Variants in ZIC4 observed in about 807,000 individuals in gnomAD.
ZIC4 encodes zinc finger protein ZIC 4.
In ZIC4, 15 loss-of-function variants were observed where a neutral mutation model predicts 28.8. That is an observed-to-expected ratio of 0.52 (90% confidence interval 0.35 to 0.80). ZIC4 has a LOEUF of 0.80. ZIC4 is among the 30% of genes least tolerant of loss of function. ZIC4 has a pLI of 0.01. For synonymous variants in ZIC4, 220 were observed against 198.1 expected, an observed-to-expected ratio of 1.11 and a Z score of -0.93; for missense variants, 512 against 467.1, an observed-to-expected ratio of 1.10 and a Z score of -0.89.
chr3:147,399,024 C>A (rs1369350711), intron 2 of ZIC4, among the ~76,000 whole-genome samples: 1 of 151,948 alleles, frequency 6.6e-6, no homozygotes, highest in African/African-American at 2.4e-5. Context: ...TAGACACGTC[C>A]AGGTCTTTCT....
intron 2 of ZIC4, among the ~76,000 whole-genome samples, chr3:147,398,865 A>C (rs2087106862): frequency 6.6e-6 from 1 of 152,138 alleles, no homozygotes; most frequent in Admixed American, 6.5e-5. Context: ...TTTCCTGGTC[A>C]GTAAATAAGG....
chr3:147,402,576 T>C, intron 2 of ZIC4, 152 bp downstream of exon 2: 1 of 619,318 alleles, frequency 1.6e-6, no homozygotes, highest in Admixed American at 3.1e-5. Context: ...ACTAAGGAGT[T>C]CTAAGTTTCA....
Position 147,391,191 on chromosome 3 carries a change from G to A in ZIC4, c.744C>T (p.Ser248=), listed in dbSNP as rs750740060. ...FEGCERRFAN[S]SDRKKHSHVH... ...CGTGCGAATGCTTCTTACGGTCGCT[G>A]CTGTTGGCGAAGCGCCGCTCGCAGC... Residue 248 remains serine, a synonymous_variant, in exon 4 of 5, where the codon AGC becomes AGT. Transcript: ENST00000383075. 28 of 1,607,996 alleles carry A rather than the reference G, an allele frequency of 1.7e-5. No homozygotes were observed. The African/African-American group carries it at 3.6e-4, about 21-fold the overall frequency.
At chr3:147,393,774 C>G (rs1158294793) in intron 3 of ZIC4, 1 of 408,716 alleles carries the variant, frequency 2.4e-6, no homozygotes, top group Non-Finnish European at 4.9e-6. Flanking sequence ...CTCCCGGCCC[C>G]GGCCGAGGGG....
At chr3:147,400,558 T>C (rs2087143892) in intron 2 of ZIC4, among the ~76,000 whole-genome samples, 2 of 152,312 alleles carry the variant, frequency 1.3e-5, no homozygotes, top group African/African-American at 4.8e-5. Context: ...GCAAGTTCCT[T>C]AGAGCTATAT....
chr3:147,402,667 A>T, intron 2 of ZIC4, 61 bp downstream of exon 2: 1 of 1,456,232 alleles, frequency 6.9e-7, no homozygotes, highest in Non-Finnish European at 9.3e-7. Flanking sequence ...TAAAAAAAAA[A>T]AAGAAGAAGA....
At chr3:147,403,010 C>G (rs887909391) in intron 1 of ZIC4, among the ~76,000 whole-genome samples, 198 bp from the exon 2 acceptor site, 1 of 152,092 alleles carries the variant, frequency 6.6e-6, no homozygotes, top group Non-Finnish European at 1.5e-5. Context: ...AATGATATAT[C>G]TTTGGTGATA....
At chr3:147,393,901 T>C (rs1034440360) in intron 3 of ZIC4, 1 of 456,598 alleles carries the variant, frequency 2.2e-6, no homozygotes, top group African/African-American at 2.0e-5. Flanking sequence ...GTGAATCCTT[T>C]CGGTGCGGAC....
At chr3:147,395,203 T>G (rs2087014073) in intron 3 of ZIC4, among the ~76,000 whole-genome samples, 1 of 152,218 alleles carries the variant, frequency 6.6e-6, no homozygotes, top group African/African-American at 2.4e-5. Flanking sequence ...CGATACTCCT[T>G]TTTTTCTGTT....
chr3:147,399,987 G>C (rs1328257307), intron 2 of ZIC4, among the ~76,000 whole-genome samples: 2 of 152,136 alleles, frequency 1.3e-5, no homozygotes, highest in African/African-American at 4.8e-5. Flanking sequence ...TATATACACT[G>C]TGACCCCACC....
chr3:147,397,351 C>T (rs915278392), intron 2 of ZIC4, among the ~76,000 whole-genome samples: 8 of 152,082 alleles, frequency 5.3e-5, no homozygotes, highest in Admixed American at 6.5e-5. Context: ...TCTCACACTT[C>T]CCTGCTCCAA....
intron 1 of ZIC4, among the ~76,000 whole-genome samples, chr3:147,404,517 A>G (rs2087234416): frequency 6.6e-6 from 1 of 152,170 alleles, no homozygotes; most frequent in Non-Finnish European, 1.5e-5. Context: ...TTTGGGAGCA[A>G]TCCTGGGGCC....
chr3:147,396,521 C>T lies in ZIC4; in HGVS notation c.71-52G>A, dbSNP rs1423522098. ...GAGAACGGGTGGCGTGGGCTGCGCG[C>T]TCTTCCCTGGGCCCCGGGGGGCAGG... On this transcript the variant is annotated intron_variant, in intron 2 of 4. Coordinates refer to ENST00000383075, the MANE Select transcript of ZIC4 (RefSeq NM_032153.6). The surrounding 1 kb of genome is among the most constrained non-coding windows in gnomAD (Gnocchi z 4.2). The T allele has an allele frequency of 6.7e-7, 1 of 1,487,094 alleles. No individual in the cohort carries two copies. The allele number at this position is 1,487,094 out of a possible 1,614,324, so 92.1% of individuals were successfully genotyped here.
rs767796917 is a variant in ZIC4, at chr3:147,391,070, C to A, written c.865G>T (p.Gly289Trp). Residue 289 changes from glycine to tryptophan, a missense_variant, in exon 4 of 5, where the codon GGG becomes TGG. Coordinates refer to ENST00000383075, the MANE Select transcript of ZIC4 (RefSeq NM_032153.6). ...SSLRKHMKVH[G>W]RSPPPSSGYD... is the part of the protein sequence containing the mutation. ...CCAGAGCTGGGCGGCGGCGAGCGCCCGTGCACCTTCATGTGCTTACGCAGC... is the reference window on the plus strand; with the variant it reads ...CCAGAGCTGGGCGGCGGCGAGCGCCAGTGCACCTTCATGTGCTTACGCAGC... 1.7e-5 allele frequency: 28 copies of A among 1,613,970 alleles called. No individual in the cohort carries two copies. The highest frequency in any genetic ancestry group is 2.2e-5 in the Non-Finnish European group (26 of 1,180,042).
intron 1 of ZIC4, chr3:147,404,235 AC>A (rs1335085599): frequency 1.4e-6 from 2 of 1,448,394 alleles, no homozygotes; most frequent in Non-Finnish European, 1.8e-6. Context: ...ATCCCTGTCC[AC>A]CCATAAGGCA....
In ZIC4 at chr3:147,402,734, C is replaced by T. The variant is rs2087191942; in HGVS notation, c.64G>A (p.Glu22Lys). The T allele has an allele frequency of 6.2e-7, 1 of 1,613,110 alleles. No individual in the cohort carries two copies. Among genetic ancestry groups the T allele is most frequent in the Non-Finnish European group, 8.5e-7 (1 of 1,179,534 alleles). ...RLRLYRNTLK[E>K]SSSSSGHHGP... ...AAGGAGGATTTTAACTTACTTGACT[C>T]TTTAAGAGTGTTTCGGTAAAGCCGT... The change falls in exon 2 of 5, where the codon GAG becomes AAG. Residue 22 changes from glutamate to lysine, a missense_variant. Glu to Lys is a moderately conservative substitution (Grantham distance 56). Transcript: ENST00000383075.
At position 147,396,894 on chromosome 3, in the gene ZIC4, G is replaced by C. The variant is rs2087060418; in HGVS notation, c.71-425C>G. 6.2e-6 allele frequency: 1 copy of C among 161,390 alleles called. No individual in the cohort carries two copies. Among genetic ancestry groups the C allele is most frequent in the Non-Finnish European group, 1.3e-5 (1 of 74,720 alleles). The allele number at this position is 161,390 out of a possible 1,614,324, so 10.0% of individuals were successfully genotyped here. ...GGAGGTGACAGAAATGATGATGTTGGAGGTGGTGGTGGTTCTGAAGCGCCC... is the reference window on the plus strand; with the variant it reads ...GGAGGTGACAGAAATGATGATGTTGCAGGTGGTGGTGGTTCTGAAGCGCCC... On this transcript the variant is annotated intron_variant, in intron 2 of 4. Transcript: ENST00000383075. This position sits in a 1 kb window ranked among gnomAD's most constrained non-coding sequence, Gnocchi z 4.2.
At chr3:147,393,868 G>A (rs1425065660) in intron 3 of ZIC4, 1 of 456,590 alleles carries the variant, frequency 2.2e-6, no homozygotes, top group South Asian at 1.5e-5. Flanking sequence ...CCATTGTTCC[G>A]GGATCGCTGT....
chr3:147,401,852 C>T (rs1503734), intron 2 of ZIC4, among the ~76,000 whole-genome samples: 11,628 of 152,224 alleles, frequency 0.076, 578 homozygotes, highest in East Asian at 0.21. Context: ...CATCCTGTGA[C>T]AAAAGCTTAG....
Sources: gnomAD v4.1 joint callset for allele counts (sites outside exome capture counted in the v4.1 genomes callset) on GRCh38, gnomAD v4.1.1 for gene constraint, Gnocchi (gnomAD v3.1) non-coding constraint, MANE v1.5 for transcripts, NCBI Gene and HGNC (gene_info 2026-07-23, HGNC 2026-07-21) for gene names.